TTC9C: variants seen among roughly 807,000 people sequenced by gnomAD.
TTC9C encodes the protein tetratricopeptide repeat domain 9C, also known as tetratricopeptide repeat protein 9C.
Under a neutral mutation model 22.5 loss-of-function variants are expected in TTC9C, and 15 were observed. The observed-to-expected ratio is 0.67, with a 90% CI of 0.45 to 1.03. TTC9C has a LOEUF of 1.03. Among genes scored for constraint, TTC9C ranks in the 50% least tolerant of loss-of-function variants. The pLI is 0.00. For missense variants in TTC9C, 244 were observed against 214.6 expected (o/e 1.14, Z -0.86); for synonymous variants, 92 against 86.8 (o/e 1.06, Z -0.33).
At position 62,728,887 on chromosome 11, in the gene TTC9C, G is replaced by C. The variant is rs147492641; in HGVS notation, c.39G>C (p.Glu13Asp). 6.2e-7 allele frequency: 1 copy of C among 1,614,206 alleles called. No homozygotes were observed. The highest frequency in any genetic ancestry group is 1.1e-5 in the South Asian group (1 of 91,084). The change falls in exon 1 of 3, where the codon GAG (glutamate) becomes GAC (aspartate). Residue 13 changes from glutamate to aspartate, a missense_variant. By Grantham distance (45) the Glu-to-Asp change is conservative (BLOSUM62 2). Coordinates refer to ENST00000316461, the MANE Select transcript of TTC9C (RefSeq NM_173810.4). ...TGCAGGAGGCTCAGCTGTACAAGGA[G>C]GAAGGGAACCAGCGCTACCGGGAAG... ...KRLQEAQLYK[E>D]EGNQRYREGK... is the part of the protein sequence containing the mutation.
intron 1 of TTC9C, chr11:62,733,149 C>G: frequency 7.8e-7 from 1 of 1,288,654 alleles, no homozygotes; most frequent in Non-Finnish European, 1.0e-6. Flanking sequence ...CCTTCTTAAT[C>G]ATAAAAAGGC....
At chr11:62,734,970 C>T (rs775933036) in intron 1 of TTC9C, among the ~76,000 whole-genome samples, 9 of 152,228 alleles carry the variant, frequency 5.9e-5, no homozygotes, top group African/African-American at 2.4e-5. Flanking sequence ...GATCTCGGCT[C>T]ACCGAAACCT....
At chr11:62,733,891 C>T (rs1475237585) in intron 1 of TTC9C, among the ~76,000 whole-genome samples, 2 of 152,018 alleles carry the variant, frequency 1.3e-5, no homozygotes, top group South Asian at 2.1e-4. Context: ...ACTCAGGAGG[C>T]TGAGGCAGAA....
At position 62,728,658 on chromosome 11, in the gene TTC9C, C is replaced by T; in HGVS notation, c.-191C>T. ...TTGCCTGCACTTCTTGAGAAAAAGA[C>T]TGCAGAAAGGAGAGGTGGGGCTTTC... On this transcript the variant is annotated 5_prime_UTR_variant, in exon 1 of 3. Transcript: ENST00000316461. 1 of 698,558 alleles carries T rather than the reference C, an allele frequency of 1.4e-6. No homozygotes were observed. Among genetic ancestry groups the T allele is most frequent in the Non-Finnish European group, 2.6e-6 (1 of 383,408 alleles). The allele number at this position is 698,558 out of a possible 1,614,324, so 43.3% of individuals were successfully genotyped here.
In TTC9C at chr11:62,738,423, C is replaced by G. The variant is rs567157143; in HGVS notation, c.*41C>G. 3.3e-5 allele frequency: 44 copies of G among 1,336,482 alleles called. No homozygotes were observed. The East Asian group carries it at 1.0e-3, about 30-fold the overall frequency. The allele number at this position is 1,336,482 out of a possible 1,614,324, so 82.8% of individuals were successfully genotyped here. A position where few individuals can be genotyped will look rare whatever the true frequency, so the allele number is the denominator to read the frequency against. ...CTCCTCCAGTTGAACTTAGGTGGACCATTAAACATGCATGAAGGAGAAATC... is the reference window on the plus strand; with the variant it reads ...CTCCTCCAGTTGAACTTAGGTGGACGATTAAACATGCATGAAGGAGAAATC... On this transcript the variant is annotated 3_prime_UTR_variant, in exon 3 of 3. Transcript: ENST00000316461.
intron 1 of TTC9C, among the ~76,000 whole-genome samples, chr11:62,729,725 G>A (rs1052255029): frequency 2.0e-5 from 3 of 151,886 alleles, no homozygotes; most frequent in Non-Finnish European, 2.9e-5. Context: ...ACAGGCATGC[G>A]CCACCATGCC....
intron 2 of TTC9C, among the ~76,000 whole-genome samples, chr11:62,736,946 C>T (rs1004608319): frequency 1.3e-5 from 2 of 151,696 alleles, no homozygotes; most frequent in African/African-American, 4.8e-5. Context: ...GCCTGTAATC[C>T]CAGCACTTTG....
rs772673926 is a variant in TTC9C, at chr11:62,738,390, G to A, written c.*8G>A. 1 of 1,583,162 alleles carries A rather than the reference G, an allele frequency of 6.3e-7. No homozygotes were observed. Among genetic ancestry groups the A allele is most frequent in the Non-Finnish European group, 8.7e-7 (1 of 1,154,288 alleles). ...CTGGGCATGTTTGGTTAACAAAGAA[G>A]AAAGATGCTCCTCCAGTTGAACTTA... On this transcript the variant is annotated 3_prime_UTR_variant, in exon 3 of 3. Transcript: ENST00000316461.
chr11:62,733,085 A>G (rs1407221183), intron 1 of TTC9C: 5 of 1,229,528 alleles, frequency 4.1e-6, no homozygotes, highest in Non-Finnish European at 4.3e-6. Flanking sequence ...TCTCAGCACC[A>G]TGATTTAATA....
At chr11:62,738,217 C>T in intron 2 of TTC9C, 71 bp from the exon 3 acceptor site, 1 of 919,930 alleles carries the variant, frequency 1.1e-6, no homozygotes, top group Non-Finnish European at 1.7e-6. Flanking sequence ...ACATTCTCTC[C>T]TGCCACAAGG....
Position 62,728,626 on chromosome 11 carries a change from T to G in TTC9C, c.-223T>G, listed in dbSNP as rs1251272228. On this transcript the variant is annotated 5_prime_UTR_variant, in exon 1 of 3. Transcript: ENST00000316461. ...CTTCATTATTCCCACATCCCTTTCCTTACTACTTGCCTGCACTTCTTGAGA... is the reference window on the plus strand; with the variant it reads ...CTTCATTATTCCCACATCCCTTTCCGTACTACTTGCCTGCACTTCTTGAGA... The G allele has an allele frequency of 4.5e-6, 3 of 672,246 alleles. No individual in the cohort carries two copies. Among genetic ancestry groups the G allele is most frequent in the African/African-American group, 3.5e-5 (2 of 56,690 alleles). 41.6% of individuals were successfully genotyped at this position (672,246 alleles called of 1,614,324 possible). A position where few individuals can be genotyped will look rare whatever the true frequency, so the allele number is the denominator to read the frequency against.
chr11:62,734,212 C>T (rs945532273), intron 1 of TTC9C, among the ~76,000 whole-genome samples: 2 of 151,256 alleles, frequency 1.3e-5, no homozygotes, highest in African/African-American at 2.4e-5. Flanking sequence ...GCAGGAGAAT[C>T]ACTTGAACCC....
At chr11:62,735,356 TTC>T (rs1171475047) in intron 1 of TTC9C, 24 bp from the exon 2 acceptor site, 3 of 1,611,324 alleles carry the variant, frequency 1.9e-6, no homozygotes, top group Non-Finnish European at 2.5e-6. Context: ...CTCCTACCTC[TTC>T]TCTCTTTTCA....
chr11:62,731,400 C>T (rs1286234770), intron 1 of TTC9C, among the ~76,000 whole-genome samples: 1 of 152,092 alleles, frequency 6.6e-6, no homozygotes, highest in Admixed American at 6.6e-5. Context: ...AGTTCAAGAC[C>T]AGCCTGGGAA....
intron 2 of TTC9C, chr11:62,736,057 G>A (rs2083907741): frequency 6.6e-6 from 1 of 151,294 alleles, no homozygotes; most frequent in Non-Finnish European, 1.5e-5. Context: ...GACCAACATG[G>A]AGAAACCCCA....
At chr11:62,735,664 C>A in intron 2 of TTC9C, 100 bp downstream of exon 2, 1 of 1,434,652 alleles carries the variant, frequency 7.0e-7, no homozygotes. Context: ...GTATTATTTT[C>A]AATAAGTAAT....
At chr11:62,735,256 G>A in intron 1 of TTC9C, 126 bp from the exon 2 acceptor site, 2 of 1,265,004 alleles carry the variant, frequency 1.6e-6, no homozygotes, top group Non-Finnish European at 2.1e-6. Context: ...TGGCATATGG[G>A]AGACACTTTA....
Position 62,736,785 on chromosome 11 carries a change from A to G in TTC9C, c.421+1221A>G, listed in dbSNP as rs112710555. Reference sequence around the variant, plus strand: ...GCAGGGAGAATCGCTTGAACCCAGGAGGCAGAGGTTTCGGTGAGCTGAGAT... The same window carrying G: ...GCAGGGAGAATCGCTTGAACCCAGGGGGCAGAGGTTTCGGTGAGCTGAGAT... On this transcript the variant is annotated intron_variant, in intron 2 of 2. Transcript: ENST00000316461. Among the ~76,000 whole-genome samples the G allele has an allele frequency of 1.7e-4, 26 of 149,106 alleles. 1 individual carries two copies. The highest frequency in any genetic ancestry group is 6.4e-4 in the African/African-American group (26 of 40,430).
At chr11:62,733,004 G>C (rs1416711541) in intron 1 of TTC9C, 1 of 270,908 alleles carries the variant, frequency 3.7e-6, no homozygotes, top group Non-Finnish European at 6.4e-6. Flanking sequence ...ACTTGGTGGG[G>C]ATGTTGTAGA....
Sources: allele counts gnomAD v4.1 joint callset (sites outside exome capture counted in the v4.1 genomes callset), GRCh38; gene constraint gnomAD v4.1.1; transcripts MANE v1.5; gene names NCBI Gene and HGNC (gene_info 2026-07-23, HGNC 2026-07-21).